ALOX5AP: variants seen among roughly 807,000 people sequenced by gnomAD.
ALOX5AP encodes arachidonate 5-lipoxygenase activating protein, also known as arachidonate 5-lipoxygenase-activating protein.
Under a neutral mutation model 18.5 loss-of-function variants are expected in ALOX5AP, and 9 were observed. The observed-to-expected ratio is 0.49, with a 90% CI of 0.29 to 0.85. The LOEUF (loss-of-function observed/expected upper bound fraction) is 0.85, where lower values mean the gene tolerates loss of function less well. Ranked by LOEUF, ALOX5AP falls within the 40% of genes least tolerant of loss-of-function variation. ALOX5AP has a pLI of 0.08. For synonymous variants in ALOX5AP, 81 were observed against 78.6 expected (o/e 1.03, Z -0.16); for missense variants, 172 against 202.5 (o/e 0.85, Z 0.91).
intron 1 of ALOX5AP, among the ~76,000 whole-genome samples, chr13:30,741,425 T>TC (rs1951763807): frequency 6.7e-6 from 1 of 149,448 alleles, no homozygotes; most frequent in Non-Finnish European, 1.5e-5. Flanking sequence ...AGATGGAGTT[T>TC]CACTCTTGTC....
At chr13:30,721,293 A>G (rs569667662) in intron 1 of ALOX5AP, among the ~76,000 whole-genome samples, 1 of 152,296 alleles carries the variant, frequency 6.6e-6, no homozygotes, top group African/African-American at 2.4e-5. Context: ...TTTACTCAAG[A>G]ATAGCCAAAA....
intron 1 of ALOX5AP, among the ~76,000 whole-genome samples, chr13:30,726,761 G>A (rs755713890): frequency 6.6e-6 from 1 of 151,858 alleles, no homozygotes; most frequent in South Asian, 2.1e-4. Flanking sequence ...TGAACTCCTG[G>A]GCTCAACTGA....
At chr13:30,760,359 G>A (rs1256335963) in intron 4 of ALOX5AP, among the ~76,000 whole-genome samples, 1 of 152,106 alleles carries the variant, frequency 6.6e-6, no homozygotes, top group Non-Finnish European at 1.5e-5. Flanking sequence ...GTCTCCCAAA[G>A]TGCTGGGATT....
intron 4 of ALOX5AP, among the ~76,000 whole-genome samples, chr13:30,760,083 A>G (rs1358824609): frequency 2.0e-5 from 3 of 152,212 alleles, no homozygotes; most frequent in Non-Finnish European, 4.4e-5. Context: ...GGGTGGGCAG[A>G]GGAGAAATAT....
intron 1 of ALOX5AP, among the ~76,000 whole-genome samples, chr13:30,718,734 A>G (rs1219698976): frequency 6.6e-6 from 1 of 152,146 alleles, no homozygotes; most frequent in Non-Finnish European, 1.5e-5. Flanking sequence ...AGTAGCCGGG[A>G]TCAGGGTCGC....
intron 1 of ALOX5AP, among the ~76,000 whole-genome samples, chr13:30,726,558 T>C (rs751502771): frequency 1.3e-5 from 2 of 152,186 alleles, no homozygotes; most frequent in African/African-American, 4.8e-5. Flanking sequence ...AAGGGGAATA[T>C]AGAATGAGTA....
At chr13:30,742,033 G>C (rs953533363) in intron 1 of ALOX5AP, among the ~76,000 whole-genome samples, 7 of 152,106 alleles carry the variant, frequency 4.6e-5, no homozygotes, top group Admixed American at 3.3e-4. Flanking sequence ...ACCCTGTGGA[G>C]CTGGCTGGGC....
chr13:30,720,634 T>C (rs1951586559), intron 1 of ALOX5AP, among the ~76,000 whole-genome samples: 1 of 152,260 alleles, frequency 6.6e-6, no homozygotes, highest in Non-Finnish European at 1.5e-5. Flanking sequence ...CAAACAGTAA[T>C]ATTTTTAGCC....
At chr13:30,724,138 G>A (rs1951617572) in intron 1 of ALOX5AP, among the ~76,000 whole-genome samples, 1 of 152,066 alleles carries the variant, frequency 6.6e-6, no homozygotes, top group Non-Finnish European at 1.5e-5. Flanking sequence ...TCTGCTTTCT[G>A]TTGCTATAAA....
chr13:30,722,721 G>A (rs1951603759), intron 1 of ALOX5AP, among the ~76,000 whole-genome samples: 3 of 152,232 alleles, frequency 2.0e-5, no homozygotes, highest in Admixed American at 1.3e-4. Flanking sequence ...CCTAGTAGGA[G>A]GTGTTTTGGT....
chr13:30,725,920 C>T (rs9315041), intron 1 of ALOX5AP, among the ~76,000 whole-genome samples: 124,178 of 152,206 alleles, frequency 0.82, 51,087 homozygotes, highest in Admixed American at 0.88. Flanking sequence ...TAGCAACACC[C>T]TGCTGGCCTG....
chr13:30,713,526 G>A, exon 1 of ALOX5AP: 1 of 560,348 alleles, frequency 1.8e-6, no homozygotes, highest in East Asian at 2.9e-5. Flanking sequence ...CTCTGGCAAA[G>A]ATGGGGTTGA....
chr13:30,741,208 C>T (rs1261020123), intron 1 of ALOX5AP, among the ~76,000 whole-genome samples: 2 of 136,236 alleles, frequency 1.5e-5, no homozygotes, highest in Non-Finnish European at 3.1e-5. Flanking sequence ...CTGCAAGCTC[C>T]GCCTCCCGGG....
At chr13:30,727,716 G>A (rs146669617) in intron 1 of ALOX5AP, among the ~76,000 whole-genome samples, 88 of 152,324 alleles carry the variant, frequency 5.8e-4, no homozygotes, top group African/African-American at 2.0e-3. Flanking sequence ...GCTCCGTGAT[G>A]AGGGCATCAG....
upstream of ALOX5AP, chr13:30,735,460 G>T: frequency 1.7e-5 from 19 of 1,105,886 alleles, no homozygotes; most frequent in South Asian, 2.1e-5. Context: ...AAAAAAAAAA[G>T]GAAGAAGAAG....
chr13:30,729,913 T>C (rs962100919), intron 1 of ALOX5AP, among the ~76,000 whole-genome samples: 1 of 151,560 alleles, frequency 6.6e-6, no homozygotes, highest in African/African-American at 2.4e-5. Context: ...CTACGTGATG[T>C]TTTCCACATG....
upstream of ALOX5AP, among the ~76,000 whole-genome samples, chr13:30,731,006 A>G (rs4076128): frequency 0.42 from 62,869 of 150,424 alleles, 16,607 homozygotes; most frequent in African/African-American, 0.76. Flanking sequence ...AATTACGGAG[A>G]GCGCTGGGAG....
intron 2 of ALOX5AP, among the ~76,000 whole-genome samples, chr13:30,750,742 GCC>G (rs1393414557): frequency 1.3e-5 from 2 of 152,174 alleles, no homozygotes; most frequent in Non-Finnish European, 2.9e-5. Flanking sequence ...TAGCCAGTTG[GCC>G]TTAAAATAAA....
At chr13:30,735,488 C>A, upstream of ALOX5AP, 1 of 1,494,074 alleles carries the variant, frequency 6.7e-7, no homozygotes, top group South Asian at 1.2e-5. Context: ...GTAATTGTGC[C>A]GGGGATCTTC....
Sources: allele counts gnomAD v4.1 joint callset (sites outside exome capture counted in the v4.1 genomes callset), GRCh38; gene constraint gnomAD v4.1.1; transcripts MANE v1.5; gene names NCBI Gene and HGNC (gene_info 2026-07-23, HGNC 2026-07-21).